Variants in EPHX1 observed in about 807,000 individuals in gnomAD.
EPHX1 encodes epoxide hydrolase 1, also known as epoxide hydratase.
A neutral mutation model predicts 43.2 loss-of-function variants in EPHX1; 40 were observed. The ratio of observed to expected loss-of-function variants is 0.93; its 90% confidence interval spans 0.72 to 1.21. The LOEUF (loss-of-function observed/expected upper bound fraction) is 1.21, where lower values mean the gene tolerates loss of function less well. EPHX1 is among the 50% of genes most tolerant of loss of function. The probability of loss-of-function intolerance (pLI) is 0.00; values close to 1 mark genes in which losing one functional copy is unlikely to be tolerated. For synonymous variants in EPHX1, 221 were observed against 226.7 expected, an observed-to-expected ratio of 0.98 and a Z score of 0.22; for missense variants, 550 against 570.4, an observed-to-expected ratio of 0.96 and a Z score of 0.36.
At position 225,830,880 on chromosome 1, in the gene EPHX1, G is replaced by A. The variant is rs891663052; in HGVS notation, c.184-899G>A. 3.3e-4 allele frequency among the ~76,000 whole-genome samples: 50 copies of A among 152,280 alleles called. 1 individual carries two copies. Among genetic ancestry groups the A allele is most frequent in the Admixed American group, 2.9e-3 (44 of 15,296 alleles). On this transcript the variant is annotated intron_variant, in intron 2 of 8. Transcript: ENST00000272167. ...AGCCTGCTACCTGTTTTAGCACAGC[G>A]CCCATGCCAAGAATAGTGTTTACCT...
At chr1:225,819,350 C>T (rs1032282749) in intron 1 of EPHX1, among the ~76,000 whole-genome samples, 2 of 151,558 alleles carry the variant, frequency 1.3e-5, no homozygotes, top group Non-Finnish European at 2.9e-5. Context: ...TGCAGTGAGC[C>T]GAGATCGTGC....
intron 1 of EPHX1, among the ~76,000 whole-genome samples, chr1:225,823,865 A>G (rs1399459155): frequency 1.3e-5 from 2 of 152,114 alleles, no homozygotes. Flanking sequence ...CCACACCCCC[A>G]TGCTTTGTCG....
At chr1:225,813,390 G>A (rs1025297628) in intron 1 of EPHX1, among the ~76,000 whole-genome samples, 2 of 152,292 alleles carry the variant, frequency 1.3e-5, no homozygotes, top group Admixed American at 6.5e-5. Context: ...GGGATAAGGT[G>A]GGGATTGCAG....
rs116993926 is a variant in EPHX1 at position 225,836,012 on chromosome 1, T to C, written c.365-2642T>C. On this transcript the variant is annotated intron_variant, in intron 3 of 8. Coordinates refer to ENST00000272167, the MANE Select transcript of EPHX1 (RefSeq NM_001136018.4). ...TTGGTCCTTTAGAATAGGAGTAAAT[T>C]TGGCAACATAGGAGGACACCCAGGA... 4.3e-4 allele frequency among the ~76,000 whole-genome samples: 65 copies of C among 152,256 alleles called. 1 individual carries two copies. The East Asian group carries it at 0.012, about 28-fold the overall frequency.
In EPHX1 at chr1:225,842,378, A is replaced by G. The variant is rs568476858; in HGVS notation, c.944A>G (p.Asn315Ser). 12 of 1,613,002 alleles carry G rather than the reference A, an allele frequency of 7.4e-6. No individual in the cohort carries two copies. The East Asian group carries it at 2.5e-4, about 33-fold the overall frequency. ...CGCTCCCCGCCAGGCTCTGCTCTGAATGACTCTCCTGTGGGTCTGGCTGCC... is the reference window on the plus strand; with the variant it reads ...CGCTCCCCGCCAGGCTCTGCTCTGAGTGACTCTCCTGTGGGTCTGGCTGCC... The part of the protein sequence containing the change: ...TKPDTVGSAL[N>S]DSPVGLAAYI... The change falls in exon 7 of 9, where the codon AAT becomes AGT. Residue 315 changes from asparagine (N) to serine (S), a missense_variant. Physicochemically the swap from Asn to Ser is conservative, Grantham distance 46. Transcript: ENST00000272167.
chr1:225,845,396 G>A lies in EPHX1; in HGVS notation c.*49G>A, dbSNP rs1404715612. On this transcript the variant is annotated 3_prime_UTR_variant, in exon 9 of 9. Transcript: ENST00000272167. The stretch of plus-strand genomic sequence containing the variant: ...CACCTCCCCCCACAAGTGCCCTCCA[G>A]GCTTTTCTTGGGGAAGATACCCCTT... 1.3e-6 allele frequency: 2 copies of A among 1,518,902 alleles called. No homozygotes were observed. The highest frequency in any genetic ancestry group is 1.8e-6 in the Non-Finnish European group (2 of 1,136,624). The allele number at this position is 1,518,902 out of a possible 1,614,324, so 94.1% of individuals were successfully genotyped here.
intron 1 of EPHX1, among the ~76,000 whole-genome samples, chr1:225,811,701 G>A (rs996669862): frequency 6.6e-6 from 1 of 152,172 alleles, no homozygotes; most frequent in African/African-American, 2.4e-5. Flanking sequence ...GGGATAATAG[G>A]GGGCCTTTCA....
rs546153231 is a variant in EPHX1, at chr1:225,818,926, TAAA to T, written c.-6+8775_-6+8777del. 1.5e-3 allele frequency among the ~76,000 whole-genome samples: 147 copies of T among 95,574 alleles called. 1 individual carries two copies. The highest frequency in any genetic ancestry group is 5.5e-3 in the African/African-American group (129 of 23,560). The allele number at this position is 95,574 out of a possible 152,430, so 62.7% of individuals were successfully genotyped here. On this transcript the variant is annotated intron_variant, in intron 1 of 8. Coordinates refer to ENST00000272167, the MANE Select transcript of EPHX1 (RefSeq NM_001136018.4). ...CAATATAGTGAGAACCTGTCTCCAT[TAAA>T]AAAAAAAAAAAAAAAAAGGTTTGTA...
At chr1:225,832,733 T>C (rs1050796851) in intron 3 of EPHX1, among the ~76,000 whole-genome samples, 4 of 152,244 alleles carry the variant, frequency 2.6e-5, no homozygotes, top group Admixed American at 1.3e-4. Context: ...TTTTTTTCGG[T>C]AATGGTCATC....
chr1:225,845,355 C>A lies in EPHX1; in HGVS notation c.*8C>A. 1.3e-6 allele frequency: 2 copies of A among 1,589,832 alleles called. No individual in the cohort carries two copies. Among genetic ancestry groups the A allele is most frequent in the Non-Finnish European group, 1.7e-6 (2 of 1,171,226 alleles). The stretch of plus-strand genomic sequence containing the variant: ...GTGCTGGAGCGGCAATGACCCACCC[C>A]TCTCCCCCCGCCTGCCACCTCCCCC... On this transcript the variant is annotated 3_prime_UTR_variant, in exon 9 of 9. Transcript: ENST00000272167.
chr1:225,828,874 C>G lies in EPHX1; in HGVS notation c.145C>G (p.Arg49Gly), dbSNP rs2234697. 6.2e-7 allele frequency: 1 copy of G among 1,600,110 alleles called. No homozygotes were observed. The highest frequency in any genetic ancestry group is 8.5e-7 in the Non-Finnish European group (1 of 1,171,986). ...RSAAREDDSI[R>G]PFKVETSDEE... ...CGCAGCCAGGGAGGACGACAGCATC[C>G]GCCCTTTCAAGGTGGAAACGTCAGA... The change falls in exon 2 of 9, where the codon CGC becomes GGC. Residue 49 changes from arginine (R) to glycine (G), a missense_variant. Coordinates refer to ENST00000272167, the MANE Select transcript of EPHX1 (RefSeq NM_001136018.4).
At chr1:225,832,039 T>TA in intron 3 of EPHX1, 80 bp downstream of exon 3, 1 of 1,502,800 alleles carries the variant, frequency 6.7e-7, no homozygotes, top group Non-Finnish European at 9.2e-7. Context: ...TACAGTCAGA[T>TA]AAAGTTGGAG....
At chr1:225,829,244 G>A (rs1463389806) in intron 2 of EPHX1, among the ~76,000 whole-genome samples, 2 of 152,178 alleles carry the variant, frequency 1.3e-5, no homozygotes, top group Non-Finnish European at 2.9e-5. Context: ...GAGTGAGGTT[G>A]TGGGAGAAAG....
rs1466247419 is a variant in EPHX1 at position 225,845,254 on chromosome 1, C to T, written c.1275C>T (p.Tyr425=). ...FKYPKLISYS[Y]MVRGGHFAAF... ...ACCCAAAGCTCATCTCCTATTCCTA[C>T]ATGGTTCGTGGGGGCCACTTTGCGG... Residue 425 remains tyrosine (Y), a synonymous_variant, in exon 9 of 9, where the codon TAC becomes TAT. Coordinates refer to ENST00000272167, the MANE Select transcript of EPHX1 (RefSeq NM_001136018.4). 1 of 1,614,014 alleles carries T rather than the reference C, an allele frequency of 6.2e-7. No homozygotes were observed. Among genetic ancestry groups the T allele is most frequent in the Non-Finnish European group, 8.5e-7 (1 of 1,180,026 alleles).
rs1252363453 is a variant in EPHX1, at chr1:225,838,646, C to A, written c.365-8C>A. The A allele has an allele frequency of 3.1e-6, 5 of 1,610,964 alleles. No homozygotes were observed. The South Asian group carries it at 4.4e-5, about 14-fold the overall frequency. On this transcript the variant is annotated splice_region_variant and splice_polypyrimidine_tract_variant and intron_variant, in intron 3 of 8. Transcript: ENST00000272167. ...TCCCTCCACCCTGACTGTGCTCTGTCCCCCCAGGGCTGGACATCCACTTCA... is the reference window on the plus strand; with the variant it reads ...TCCCTCCACCCTGACTGTGCTCTGTACCCCCAGGGCTGGACATCCACTTCA...
intron 1 of EPHX1, among the ~76,000 whole-genome samples, chr1:225,824,663 A>G (rs1400603905): frequency 6.6e-6 from 1 of 152,228 alleles, no homozygotes; most frequent in Non-Finnish European, 1.5e-5. Flanking sequence ...CTGCCTGGCC[A>G]GCTCTCCGAC....
intron 1 of EPHX1, among the ~76,000 whole-genome samples, chr1:225,821,187 TTTTA>T (rs1666963627): frequency 6.6e-6 from 1 of 152,162 alleles, no homozygotes; most frequent in South Asian, 2.1e-4. Context: ...AAAAGCAAAC[TTTTA>T]TTTTTACCCC....
At position 225,838,936 on chromosome 1, in the gene EPHX1, G is replaced by A. The variant is rs914948348; in HGVS notation, c.592+55G>A. The A allele has an allele frequency of 2.5e-5, 39 of 1,568,332 alleles. No individual in the cohort carries two copies. In the African/African-American group the frequency reaches 2.7e-4, roughly 11 times the overall value. ...CCCCGTCCTCGCCAAGGGTGGGCCCGGTGTTCCCACCAGGCTCTCCTTCCG... is the reference window on the plus strand; with the variant it reads ...CCCCGTCCTCGCCAAGGGTGGGCCCAGTGTTCCCACCAGGCTCTCCTTCCG... On this transcript the variant is annotated intron_variant, in intron 4 of 8. Coordinates refer to ENST00000272167, the MANE Select transcript of EPHX1 (RefSeq NM_001136018.4).
chr1:225,844,508 C>A lies in EPHX1; in HGVS notation c.1051C>A (p.Leu351Met). 1 of 1,614,144 alleles carries A rather than the reference C, an allele frequency of 6.2e-7. No homozygotes were observed. Among genetic ancestry groups the A allele is most frequent in the Non-Finnish European group, 8.5e-7 (1 of 1,179,996 alleles). ...EDGGLERKFS[L>M]DDLLTNVMLY... Reference sequence around the variant, plus strand: ...GTTCTGCGTTCCCAGGAAGTTCTCCCTGGACGACCTGCTGACCAACGTCAT... The same window carrying A: ...GTTCTGCGTTCCCAGGAAGTTCTCCATGGACGACCTGCTGACCAACGTCAT... Residue 351 changes from leucine (L) to methionine (M), a missense_variant, in exon 8 of 9, where the codon CTG becomes ATG. Leu to Met is a conservative substitution (Grantham distance 15, BLOSUM62 2). Transcript: ENST00000272167.
Sources: allele counts gnomAD v4.1 joint callset (sites outside exome capture counted in the v4.1 genomes callset), GRCh38; gene constraint gnomAD v4.1.1; transcripts MANE v1.5; gene names NCBI Gene and HGNC (gene_info 2026-07-23, HGNC 2026-07-21).